Variants in CIT observed in about 807,000 individuals in gnomAD.
CIT encodes citron rho-interacting serine/threonine kinase.
A neutral mutation model predicts 272.7 loss-of-function variants in CIT; 79 were observed. That is an observed-to-expected ratio of 0.29 (90% CI 0.24 to 0.35). CIT has a LOEUF of 0.35. CIT is among the 10% of genes least tolerant of loss of function. CIT has a pLI of 1.00. For missense variants in CIT, 1,909 were observed against 2,618.3 expected (o/e 0.73, Z 5.91); for synonymous variants, 948 against 995.6 (o/e 0.95, Z 0.90).
At position 119,803,285 on chromosome 12, in the gene CIT, G is replaced by A. The variant is rs766542234; in HGVS notation, c.1216C>T (p.Pro406Ser). ...AGTTCTTCACCCGAGAAGCCTGAGG[G>A]GCTCAGCTGGCACGGAGAGGATGAA... Reference protein sequence around the residue: ...WVSSSPCQLSPSGFSGEELPF... With the variant: ...WVSSSPCQLSSSGFSGEELPF... The change falls in exon 10 of 48, where the codon CCC becomes TCC. Residue 406 changes from proline (P) to serine (S), a missense_variant. By Grantham distance (74) the Pro-to-Ser change is moderately conservative. Around this residue, in one of 8 missense-constraint regions of CIT, gnomAD observed 529 missense variants for 549.6 expected, o/e 0.96. Transcript: ENST00000392521. 3.7e-6 allele frequency: 6 copies of A among 1,610,420 alleles called. No individual in the cohort carries two copies. In the South Asian group the frequency reaches 5.5e-5, roughly 15 times the overall value.
chr12:119,871,699 A>C (rs577879555), intron 2 of CIT, among the ~76,000 whole-genome samples: 1 of 151,748 alleles, frequency 6.6e-6, no homozygotes, highest in African/African-American at 2.4e-5. Context: ...ACAAACAAAC[A>C]AAAAAAAATT....
intron 2 of CIT, 38 bp downstream of exon 2, chr12:119,876,035 A>G (rs1303944437): frequency 2.4e-6 from 3 of 1,261,806 alleles, no homozygotes; most frequent in Non-Finnish European, 3.5e-6. Flanking sequence ...TTCCAAGGAC[A>G]CACACAGGTG....
At chr12:119,754,452 C>T (rs555921931) in intron 22 of CIT, among the ~76,000 whole-genome samples, 2 of 152,282 alleles carry the variant, frequency 1.3e-5, no homozygotes, top group East Asian at 1.9e-4. Context: ...AAAATGCTTC[C>T]GATGCCATTT....
chr12:119,732,665 C>T (rs569414835), intron 26 of CIT, among the ~76,000 whole-genome samples: 2 of 152,292 alleles, frequency 1.3e-5, no homozygotes, highest in South Asian at 4.1e-4. Context: ...CTGAACTTTG[C>T]GTAATCCATC....
At chr12:119,700,421 C>T (rs1943046057) in intron 44 of CIT, among the ~76,000 whole-genome samples, 1 of 152,150 alleles carries the variant, frequency 6.6e-6, no homozygotes, top group Admixed American at 6.5e-5. Context: ...CTCGCTTTGT[C>T]ACCCAGGCTG....
rs535221798 is a variant in CIT at position 119,688,037 on chromosome 12, G to A, written c.*195C>T. The A allele has an allele frequency of 3.7e-5, 23 of 626,606 alleles. No homozygotes were observed. The highest frequency in any genetic ancestry group is 3.4e-4 in the Admixed American group (12 of 35,180). The allele number at this position is 626,606 out of a possible 1,614,324, so 38.8% of individuals were successfully genotyped here. A position where few individuals can be genotyped will look rare whatever the true frequency, so the allele number is the denominator to read the frequency against. On this transcript the variant is annotated 3_prime_UTR_variant, in exon 48 of 48. Transcript: ENST00000392521. Reference sequence around the variant, plus strand: ...GAGGTGCCCAGGGCAGGCACCGGGCGCTGACAGCTCCGAAGAGCCTCAGCC... The same window carrying A: ...GAGGTGCCCAGGGCAGGCACCGGGCACTGACAGCTCCGAAGAGCCTCAGCC...
chr12:119,701,903 A>T lies in CIT; in HGVS notation c.5360T>A (p.Leu1787His), dbSNP rs1956602512. Residue 1787 changes from leucine to histidine, a missense_variant, in exon 42 of 48, where the codon CTC becomes CAC. Leu to His is a moderately conservative substitution (Grantham distance 99). Around this residue, in one of 8 missense-constraint regions of CIT, gnomAD observed 780 missense variants for 1,067.2 expected, o/e 0.73. Transcript: ENST00000392521. ...SCIHFTNYSI[L>H]IGTNKFYEID... Reference sequence around the variant, plus strand: ...TTCGTAGAATTTATTGGTTCCAATGAGGATACTGTAATTGGTGAAGTGGAT... The same window carrying T: ...TTCGTAGAATTTATTGGTTCCAATGTGGATACTGTAATTGGTGAAGTGGAT... 1 of 1,614,026 alleles carries T rather than the reference A, an allele frequency of 6.2e-7. No individual in the cohort carries two copies. Among genetic ancestry groups the T allele is most frequent in the African/African-American group, 1.3e-5 (1 of 74,922 alleles).
intron 28 of CIT, among the ~76,000 whole-genome samples, chr12:119,722,170 T>C (rs755186563): frequency 6.6e-6 from 1 of 152,182 alleles, no homozygotes; most frequent in Non-Finnish European, 1.5e-5. Context: ...ATAAAGACGC[T>C]GGTTTTGTGG....
intron 19 of CIT, among the ~76,000 whole-genome samples, chr12:119,762,217 G>A (rs1271701859): frequency 6.6e-6 from 1 of 152,138 alleles, no homozygotes; most frequent in Non-Finnish European, 1.5e-5. Flanking sequence ...AGATTTCAAA[G>A]AGGTCTTTAA....
chr12:119,776,565 T>C, intron 14 of CIT, 107 bp downstream of exon 14: 1 of 1,202,866 alleles, frequency 8.3e-7, no homozygotes, highest in Non-Finnish European at 1.2e-6. Context: ...GGTATCCTAC[T>C]ATTTCTCAAA....
intron 16 of CIT, among the ~76,000 whole-genome samples, chr12:119,775,422 C>T (rs187892661): frequency 6.6e-6 from 1 of 152,320 alleles, no homozygotes; most frequent in East Asian, 1.9e-4. Context: ...GGGCAGGCCT[C>T]CTGCTGGCAG....
At chr12:119,737,781 C>T (rs991148502) in intron 24 of CIT, among the ~76,000 whole-genome samples, 9 of 151,996 alleles carry the variant, frequency 5.9e-5, no homozygotes, top group African/African-American at 1.5e-4. Context: ...GTACCCATGC[C>T]GAGATTGAAG....
intron 15 of CIT, 58 bp from the exon 16 acceptor site, chr12:119,775,897 A>C: frequency 7.3e-7 from 1 of 1,376,474 alleles, no homozygotes; most frequent in Non-Finnish European, 1.0e-6. Flanking sequence ...ACATCTTGCT[A>C]CATTTATTGC....
chr12:119,782,805 A>C, intron 12 of CIT, 168 bp from the exon 13 acceptor site: 1 of 703,756 alleles, frequency 1.4e-6, no homozygotes. Context: ...CATCCTGTAA[A>C]ACCCCTTGGT....
chr12:119,761,672 A>G (rs1490485869), intron 19 of CIT, among the ~76,000 whole-genome samples: 1 of 152,060 alleles, frequency 6.6e-6, no homozygotes, highest in Non-Finnish European at 1.5e-5. Flanking sequence ...AAAAGAAAGA[A>G]AAAAATGCCT....
intron 23 of CIT, among the ~76,000 whole-genome samples, chr12:119,750,748 T>TATAGATAG (rs6144898): frequency 0.01 from 1,539 of 147,968 alleles, 7 homozygotes; most frequent in Middle Eastern, 0.031. Context: ...TATATATAGA[T>TATAGATAG]ATAGATAGAT....
rs529124148 is a variant in CIT, at chr12:119,694,215, T to G, written c.5882+3444A>C. On this transcript the variant is annotated intron_variant, in intron 46 of 47. Coordinates refer to ENST00000392521, the MANE Select transcript of CIT (RefSeq NM_001206999.2). This position sits in a 1 kb window ranked among gnomAD's most constrained non-coding sequence, Gnocchi z 4.5. ...TGTCCATCAGATTTACAAATCCACA[T>G]CAGCCATCACCCATTCACCCACACT... Among the ~76,000 whole-genome samples the G allele has an allele frequency of 1.1e-4, 16 of 152,150 alleles. No individual in the cohort carries two copies. Among genetic ancestry groups the G allele is most frequent in the Non-Finnish European group, 2.4e-4 (16 of 68,042 alleles).
chr12:119,738,460 C>G (rs1157602684), intron 24 of CIT, among the ~76,000 whole-genome samples: 1 of 152,156 alleles, frequency 6.6e-6, no homozygotes, highest in African/African-American at 2.4e-5. Flanking sequence ...AACTGAAAGG[C>G]TGATTCCATC....
intron 46 of CIT, among the ~76,000 whole-genome samples, chr12:119,696,918 C>T (rs1202096495): frequency 6.6e-6 from 1 of 152,044 alleles, no homozygotes; most frequent in African/African-American, 2.4e-5. Context: ...GTGAGTTCTT[C>T]ATTCTTTTCC....
Sources: allele counts gnomAD v4.1 joint callset (sites outside exome capture counted in the v4.1 genomes callset), GRCh38; gene constraint gnomAD v4.1.1; regional missense constraint gnomAD v4.1.1; non-coding constraint Gnocchi (gnomAD v3.1); transcripts MANE v1.5; gene names NCBI Gene and HGNC (gene_info 2026-07-23, HGNC 2026-07-21).